Variants in CTTNBP2 observed in about 807,000 individuals in gnomAD.
The protein encoded by CTTNBP2 is cortactin-binding protein 2.
Under a neutral mutation model 156.9 loss-of-function variants are expected in CTTNBP2, and 108 were observed. The ratio of observed to expected loss-of-function variants is 0.69; its 90% CI spans 0.59 to 0.81. The LOEUF is 0.81. Ranked by LOEUF, CTTNBP2 falls within the 30% of genes least tolerant of loss-of-function variation. CTTNBP2 has a pLI of 0.00. For synonymous variants in CTTNBP2, 767 were observed against 751.8 expected, an observed-to-expected ratio of 1.02 and a Z score of -0.33; for missense variants, 1,924 against 2,035.4, an observed-to-expected ratio of 0.95 and a Z score of 1.05.
chr7:117,769,290 A>G (rs1359092737), intron 8 of CTTNBP2, among the ~76,000 whole-genome samples: 1 of 152,260 alleles, frequency 6.6e-6, no homozygotes, highest in African/African-American at 2.4e-5. Context: ...CCACCAATTC[A>G]GTGAAACTTT....
intron 3 of CTTNBP2, among the ~76,000 whole-genome samples, chr7:117,809,440 C>T (rs1198580626): frequency 6.6e-6 from 1 of 152,058 alleles, no homozygotes; most frequent in Non-Finnish European, 1.5e-5. Flanking sequence ...GTATCCCATC[C>T]AAGAAATACA....
intron 3 of CTTNBP2, among the ~76,000 whole-genome samples, chr7:117,799,831 G>T (rs962913661): frequency 2.0e-5 from 3 of 152,054 alleles, no homozygotes; most frequent in East Asian, 1.9e-4. Context: ...AATACAATGT[G>T]AACATACAAA....
At chr7:117,805,868 A>G (rs976925145) in intron 3 of CTTNBP2, among the ~76,000 whole-genome samples, 6 of 152,210 alleles carry the variant, frequency 3.9e-5, no homozygotes, top group Admixed American at 2.6e-4. Context: ...GAAAATATCT[A>G]AACTGTGTAC....
chr7:117,795,185 G>A (rs1799250963), intron 3 of CTTNBP2, among the ~76,000 whole-genome samples: 3 of 125,570 alleles, frequency 2.4e-5, no homozygotes, highest in Admixed American at 8.3e-5. Flanking sequence ...CGTGACGACC[G>A]CGCCCGGCCT....
chr7:117,861,404 T>A (rs969930469), intron 1 of CTTNBP2, 88 bp from the exon 2 acceptor site: 12 of 893,870 alleles, frequency 1.3e-5, no homozygotes, highest in African/African-American at 1.7e-5. Context: ...ATCAGTTTTA[T>A]CCCAGTGGCT....
At chr7:117,724,790 C>T in intron 18 of CTTNBP2, 58 bp from the exon 19 acceptor site, 2 of 1,567,336 alleles carry the variant, frequency 1.3e-6, no homozygotes, top group Non-Finnish European at 8.7e-7. Flanking sequence ...AAGCAAAATA[C>T]ATTTCCGTTT....
At chr7:117,793,853 T>C (rs1209821045) in intron 3 of CTTNBP2, among the ~76,000 whole-genome samples, 2 of 152,360 alleles carry the variant, frequency 1.3e-5, no homozygotes, top group Middle Eastern at 3.4e-3. Context: ...AAGCTCCCAA[T>C]AGCACAAGAG....
chr7:117,758,174 A>G (rs1488260794), intron 10 of CTTNBP2: 1 of 551,900 alleles, frequency 1.8e-6, no homozygotes, highest in African/African-American at 1.9e-5. Context: ...AAGGCTTTCA[A>G]TCTACAGACT....
At position 117,746,084 on chromosome 7, in the gene CTTNBP2, T is replaced by C; in HGVS notation, c.3364A>G (p.Asn1122Asp). The C allele has an allele frequency of 6.2e-7, 1 of 1,613,698 alleles. No homozygotes were observed. The highest frequency in any genetic ancestry group is 8.5e-7 in the Non-Finnish European group (1 of 1,179,620). The change falls in exon 13 of 23, where the codon AAT becomes GAT. Residue 1122 changes from asparagine to aspartate, a missense_variant. Transcript: ENST00000160373. ...NYLRLVEQYH[N>D]VIFHGPEGSL... is the part of the protein sequence containing the mutation. Reference sequence around the variant, plus strand: ...CCTTCTGGGCCGTGGAAAATGACATTATGATATTGCTCAACCTATTAACAA... The same window carrying C: ...CCTTCTGGGCCGTGGAAAATGACATCATGATATTGCTCAACCTATTAACAA...
chr7:117,734,930 T>C lies in CTTNBP2; in HGVS notation c.3859A>G (p.Arg1287Gly). Reference sequence around the variant, plus strand: ...TTTGTTACCTTATTCACAACTTTCCTTCGTAAGAACCTCTGCAGCAGTCCT... The same window carrying C: ...TTTGTTACCTTATTCACAACTTTCCCTCGTAAGAACCTCTGCAGCAGTCCT... The part of the protein sequence containing the change: ...MQGLLQRFLR[R>G]KVVNKFKGQA... Residue 1287 changes from arginine to glycine, a missense_variant, in exon 16 of 23, where the codon AGG becomes GGG. By Grantham distance (125) the Arg-to-Gly change is moderately radical. Transcript: ENST00000160373. 1 of 1,594,486 alleles carries C rather than the reference T, an allele frequency of 6.3e-7. No individual in the cohort carries two copies. Among genetic ancestry groups the C allele is most frequent in the Non-Finnish European group, 8.6e-7 (1 of 1,166,906 alleles).
chr7:117,819,367 T>TCA lies in CTTNBP2; in HGVS notation c.190-8380_190-8379dup, dbSNP rs71529472. 6.9e-3 allele frequency among the ~76,000 whole-genome samples: 903 copies of TCA among 130,658 alleles called. 4 individuals are homozygous for TCA. The highest frequency in any genetic ancestry group is 0.014 in the East Asian group (59 of 4,070). 85.7% of individuals were successfully genotyped at this position (130,658 alleles called of 152,430 possible). Reference sequence around the variant, plus strand: ...TTTCTCTTTTCTCCTTCTCTCTCTCTCACACACACACACACACACACACAC... The same window carrying TCA: ...TTTCTCTTTTCTCCTTCTCTCTCTCTCACACACACACACACACACACACACAC... On this transcript the variant is annotated intron_variant, in intron 2 of 22. Transcript: ENST00000160373.
rs145368538 is a variant in CTTNBP2, at chr7:117,805,159, C to G, written c.414+5606G>C. On this transcript the variant is annotated intron_variant, in intron 3 of 22. Coordinates refer to ENST00000160373, the MANE Select transcript of CTTNBP2 (RefSeq NM_033427.3). ...ATCCAATATCATATAGGCATTTTTT[C>G]CCTCTAAACTTTGGGATATTCTCTT... Among the ~76,000 whole-genome samples, 1,326 of 152,002 alleles carry G rather than the reference C, an allele frequency of 8.7e-3. 24 individuals carry two copies. The highest frequency in any genetic ancestry group is 0.031 in the African/African-American group (1,277 of 41,450).
At chr7:117,758,789 C>A (rs544529016) in intron 10 of CTTNBP2, among the ~76,000 whole-genome samples, 1 of 152,176 alleles carries the variant, frequency 6.6e-6, no homozygotes, top group African/African-American at 2.4e-5. Flanking sequence ...CAAAACTCAA[C>A]GATTTTTCGA....
Position 117,728,244 on chromosome 7 carries a change from G to C in CTTNBP2, c.3900C>G (p.Pro1300=), listed in dbSNP as rs781735167. The change falls in exon 17 of 23, where the codon CCC becomes CCG. Residue 1300 remains proline (P), a synonymous_variant. Coordinates refer to ENST00000160373, the MANE Select transcript of CTTNBP2 (RefSeq NM_033427.3). The part of the protein sequence containing the change: ...VNKFKGQAPS[P]CDPVCKIVDW... ...CGACAATCTTGCACACAGGATCGCA[G>C]GGGGAGGGCGCCTGACCTTTGAACT... 2 of 1,613,658 alleles carry C rather than the reference G, an allele frequency of 1.2e-6. No individual in the cohort carries two copies. The highest frequency in any genetic ancestry group is 2.2e-5 in the East Asian group (1 of 44,880).
chr7:117,779,791 G>A (rs936737320), intron 7 of CTTNBP2, among the ~76,000 whole-genome samples: 1 of 151,376 alleles, frequency 6.6e-6, no homozygotes, highest in African/African-American at 2.4e-5. Context: ...GCAGAGTTTT[G>A]CTCTTTTCTC....
chr7:117,865,600 C>G lies in CTTNBP2; in HGVS notation c.82-4284G>C, dbSNP rs1037832220. On this transcript the variant is annotated intron_variant, in intron 1 of 22. Coordinates refer to ENST00000160373, the MANE Select transcript of CTTNBP2 (RefSeq NM_033427.3). ...CTGTAGGTGGGAGAATTGCTTGAAC[C>G]CAGGAGGCAGAGGTTGCAGTGAGCA... 6.1e-5 allele frequency among the ~76,000 whole-genome samples: 9 copies of G among 146,358 alleles called. 1 individual carries two copies. The highest frequency in any genetic ancestry group is 4.4e-4 in the South Asian group (2 of 4,544).
At position 117,784,319 on chromosome 7, in the gene CTTNBP2, A is replaced by T. The variant is rs138726386; in HGVS notation, c.2204T>A (p.Leu735Gln). The change falls in exon 5 of 23, where the codon CTG becomes CAG. Residue 735 changes from leucine to glutamine, a missense_variant. Coordinates refer to ENST00000160373, the MANE Select transcript of CTTNBP2 (RefSeq NM_033427.3). The part of the protein sequence containing the change: ...LLSMLLNEEG[L>Q]DINYSCEDGH... Reference sequence around the variant, plus strand: ...ATCTTCACAGGAGTAATTAATGTCCAGTCCTTCTTCATTAAGCAGCATTGA... The same window carrying T: ...ATCTTCACAGGAGTAATTAATGTCCTGTCCTTCTTCATTAAGCAGCATTGA... The T allele has an allele frequency of 3.1e-6, 5 of 1,613,960 alleles. No homozygotes were observed. The highest frequency in any genetic ancestry group is 4.2e-6 in the Non-Finnish European group (5 of 1,180,006).
chr7:117,795,940 C>T (rs972534757), intron 3 of CTTNBP2, among the ~76,000 whole-genome samples: 1 of 152,156 alleles, frequency 6.6e-6, no homozygotes, highest in Admixed American at 6.5e-5. Context: ...CTTTATTTAG[C>T]TTCCTCTGCC....
intron 3 of CTTNBP2, among the ~76,000 whole-genome samples, chr7:117,804,292 T>G (rs1052178997): frequency 1.3e-5 from 2 of 152,176 alleles, no homozygotes; most frequent in Non-Finnish European, 2.9e-5. Flanking sequence ...ATAAATGTTA[T>G]GAGCCAGTAA....
Sources: allele counts gnomAD v4.1 joint callset (sites outside exome capture counted in the v4.1 genomes callset), GRCh38; gene constraint gnomAD v4.1.1; transcripts MANE v1.5; gene names NCBI Gene and HGNC (gene_info 2026-07-23, HGNC 2026-07-21).